The following PRIM2 variants were observed in gnomAD, a reference collection of about 807,000 sequenced individuals.
PRIM2 encodes DNA primase subunit 2.
In PRIM2, 39 loss-of-function variants were observed where a neutral mutation model predicts 67.3. The ratio of observed to expected loss-of-function variants is 0.58; its 90% CI spans 0.45 to 0.76. The LOEUF (loss-of-function observed/expected upper bound fraction) is 0.76, where lower values mean the gene tolerates loss of function less well. PRIM2 is among the 30% of genes least tolerant of loss of function. PRIM2 has a pLI of 0.00. For missense variants in PRIM2, 398 were observed against 598.7 expected, an observed-to-expected ratio of 0.66 and a Z score of 3.50; for synonymous variants, 143 against 198.7, an observed-to-expected ratio of 0.72 and a Z score of 2.36.
In PRIM2 at chr6:57,323,082, G is replaced by GTT. The variant is rs11453364; in HGVS notation, c.259-1107_259-1106dup. Among the ~76,000 whole-genome samples, 51 of 145,652 alleles carry GTT rather than the reference G, an allele frequency of 3.5e-4. No individual in the cohort carries two copies. The Middle Eastern group carries it at 0.015, about 42-fold the overall frequency. ...ATTATAGTAGTGCCTCCCTCATAGG[G>GTT]TTTTTTTTTTTTTAAAGGATTAAAT... On this transcript the variant is annotated intron_variant, in intron 3 of 13. Coordinates refer to ENST00000615550, the MANE Select transcript of PRIM2 (RefSeq NM_000947.5).
At chr6:57,491,627 A>G (rs1262088081) in intron 7 of PRIM2, among the ~76,000 whole-genome samples, 2 of 152,190 alleles carry the variant, frequency 1.3e-5, no homozygotes, top group Non-Finnish European at 2.9e-5. Context: ...TTCTAACAAT[A>G]ACATATAACA....
At chr6:57,228,783 A>G in the PRIM2 span, among the ~76,000 whole-genome samples, 2 of 152,240 alleles carry the variant, frequency 1.3e-5, no homozygotes, top group African/African-American at 2.4e-5. Context: ...TCAGCGCCTC[A>G]GTTTCCTCAC....
At chr6:57,496,364 A>C (rs1774004397) in intron 7 of PRIM2, among the ~76,000 whole-genome samples, 1 of 152,204 alleles carries the variant, frequency 6.6e-6, no homozygotes, top group Non-Finnish European at 1.5e-5. Flanking sequence ...GCTCAGCAGG[A>C]AGTTAAAGGA....
Position 57,597,298 on chromosome 6 carries a change from A to C in PRIM2, c.1021-3795A>C, listed in dbSNP as rs1393569185. Among the ~76,000 whole-genome samples, 126 of 151,768 alleles carry C rather than the reference A, an allele frequency of 8.3e-4. 1 individual carries two copies. Among genetic ancestry groups the C allele is most frequent in the African/African-American group, 2.9e-3 (120 of 41,404 alleles). ...TGAGCCAGTTTGTATGAATAGTTAGAGTTGTGGATAGGAGTTGGAAGAAGG... is the reference window on the plus strand; with the variant it reads ...TGAGCCAGTTTGTATGAATAGTTAGCGTTGTGGATAGGAGTTGGAAGAAGG... On this transcript the variant is annotated intron_variant, in intron 10 of 13. Coordinates refer to ENST00000615550, the MANE Select transcript of PRIM2 (RefSeq NM_000947.5).
chr6:57,351,399 C>T (rs1187597862), intron 5 of PRIM2, among the ~76,000 whole-genome samples: 3 of 151,806 alleles, frequency 2.0e-5, no homozygotes, highest in African/African-American at 4.8e-5. Context: ...AAGGATATTG[C>T]CAGTGTTCAG....
At chr6:57,272,241 C>T in the PRIM2 span, among the ~76,000 whole-genome samples, 143 of 152,154 alleles carry the variant, frequency 9.4e-4, no homozygotes, top group African/African-American at 3.3e-3. Flanking sequence ...TAAAGTCTCC[C>T]ATTATTATTG....
At chr6:57,470,762 C>T (rs1478595007) in intron 7 of PRIM2, among the ~76,000 whole-genome samples, 2 of 152,090 alleles carry the variant, frequency 1.3e-5, no homozygotes, top group East Asian at 3.9e-4. Context: ...TTAGTTACAG[C>T]CTACATCTTG....
At chr6:57,313,095 A>C (rs1767418511), upstream of PRIM2, among the ~76,000 whole-genome samples, 1 of 152,216 alleles carries the variant, frequency 6.6e-6, no homozygotes, top group South Asian at 2.1e-4. Context: ...TAATGAATTA[A>C]GATTAGCCTT....
intron 10 of PRIM2, among the ~76,000 whole-genome samples, chr6:57,563,747 T>C (rs1442475992): frequency 6.6e-6 from 1 of 152,172 alleles, no homozygotes. Flanking sequence ...GTTCAAGCAA[T>C]TCTCCTGTCT....
chr6:57,271,100 T>A, the PRIM2 span, among the ~76,000 whole-genome samples: 1 of 152,122 alleles, frequency 6.6e-6, no homozygotes, highest in African/African-American at 2.4e-5. Context: ...TTTTTTTGTT[T>A]TGTCTCTGAC....
chr6:57,448,648 T>C (rs965997761), intron 7 of PRIM2, among the ~76,000 whole-genome samples: 2 of 152,084 alleles, frequency 1.3e-5, no homozygotes, highest in African/African-American at 4.8e-5. Flanking sequence ...TTACAGGTCA[T>C]AGGTGGGTTC....
chr6:57,446,958 A>G (rs1772388415), intron 7 of PRIM2, among the ~76,000 whole-genome samples: 1 of 152,174 alleles, frequency 6.6e-6, no homozygotes, highest in South Asian at 2.1e-4. Context: ...GGAGCAAGAA[A>G]GTCCAGGCCC....
intron 7 of PRIM2, among the ~76,000 whole-genome samples, chr6:57,401,256 G>A (rs150506619): frequency 1.3e-5 from 1 of 74,598 alleles, no homozygotes; most frequent in Non-Finnish European, 2.9e-5. Flanking sequence ...AGTGTAGATC[G>A]AGTAGTCAGT....
intron 7 of PRIM2, among the ~76,000 whole-genome samples, chr6:57,464,202 T>A (rs34264843): frequency 6.6e-6 from 1 of 152,274 alleles, no homozygotes; most frequent in Non-Finnish European, 1.5e-5. Context: ...ACTTGATTAG[T>A]CCGTTCCTTC....
At chr6:57,461,100 A>C (rs1161934304) in intron 7 of PRIM2, among the ~76,000 whole-genome samples, 4 of 152,196 alleles carry the variant, frequency 2.6e-5, no homozygotes, top group African/African-American at 9.6e-5. Flanking sequence ...AGATGAGAGG[A>C]GGGATAAGGA....
chr6:57,317,992 A>G (rs958456061), intron 1 of PRIM2, among the ~76,000 whole-genome samples: 1 of 152,188 alleles, frequency 6.6e-6, no homozygotes, highest in Non-Finnish European at 1.5e-5. Flanking sequence ...GTCATAACAG[A>G]GGAAGTGAGT....
rs1461750048 is a variant in PRIM2 at position 57,584,145 on chromosome 6, G to T, written c.1021-16948G>T. ...TAGAAATTTTATTTATTAAATATCTGACTGAATATAATAGATATAGTTAGA... is the reference window on the plus strand; with the variant it reads ...TAGAAATTTTATTTATTAAATATCTTACTGAATATAATAGATATAGTTAGA... On this transcript the variant is annotated intron_variant, in intron 10 of 13. Transcript: ENST00000615550. 5.3e-5 allele frequency among the ~76,000 whole-genome samples: 8 copies of T among 152,144 alleles called. No individual in the cohort carries two copies. In the East Asian group the frequency reaches 1.5e-3, roughly 29 times the overall value.
chr6:57,381,485 G>C lies in PRIM2; in HGVS notation c.556-546G>C, dbSNP rs567955581. 2.4e-4 allele frequency among the ~76,000 whole-genome samples: 37 copies of C among 152,034 alleles called. 1 individual carries two copies. In the South Asian group the frequency reaches 7.7e-3, roughly 32 times the overall value. ...TAAGATTTTTAAAAATAAATTCTTG[G>C]GGCAAATACTTCTTTTAATAGCAAA... On this transcript the variant is annotated intron_variant, in intron 6 of 13. Transcript: ENST00000615550.
intron 13 of PRIM2, among the ~76,000 whole-genome samples, chr6:57,645,107 T>C (rs1267568552): frequency 1.3e-4 from 20 of 152,164 alleles, no homozygotes; most frequent in Non-Finnish European, 1.9e-4. Context: ...TATATCATAC[T>C]AAATGAGTGC....
Sources: allele counts gnomAD v4.1 joint callset (sites outside exome capture counted in the v4.1 genomes callset), GRCh38; gene constraint gnomAD v4.1.1; transcripts MANE v1.5; gene names NCBI Gene and HGNC (gene_info 2026-07-23, HGNC 2026-07-21).